The following CNIH3 variants were observed in gnomAD, a reference collection of about 807,000 sequenced individuals.
CNIH3 encodes the protein cornichon family AMPA receptor auxiliary protein 3.
Under a neutral mutation model 24.1 loss-of-function variants are expected in CNIH3, and 14 were observed. The ratio of observed to expected loss-of-function variants is 0.58; its 90% CI spans 0.38 to 0.91. The LOEUF is 0.91. Among genes scored for constraint, CNIH3 ranks in the 40% least tolerant of loss-of-function variants. The probability of loss-of-function intolerance (pLI) is 0.00; values close to 1 mark genes in which losing one functional copy is unlikely to be tolerated. For missense variants in CNIH3, 178 were observed against 196.8 expected, an observed-to-expected ratio of 0.90 and a Z score of 0.57; for synonymous variants, 68 against 73.8, an observed-to-expected ratio of 0.92 and a Z score of 0.40.
Position 224,617,045 on chromosome 1 carries a change from C to T in CNIH3, c.-130C>T. 1.4e-6 allele frequency: 2 copies of T among 1,435,830 alleles called. No individual in the cohort carries two copies. Among genetic ancestry groups the T allele is most frequent in the Non-Finnish European group, 9.1e-7 (1 of 1,097,446 alleles). 88.9% of individuals were successfully genotyped at this position (1,435,830 alleles called of 1,614,324 possible). ...CCCTCGAGTCGCTTCGCTAGCTGTG[C>T]GCCCTCCTGGGCACTAGCCTGGAGA... is the stretch of plus-strand genomic sequence containing the variant. On this transcript the variant is annotated 5_prime_UTR_variant, in exon 1 of 6. Coordinates refer to ENST00000272133, the MANE Select transcript of CNIH3 (RefSeq NM_152495.2).
chr1:224,629,343 C>A (rs964362066), intron 1 of CNIH3, among the ~76,000 whole-genome samples: 1 of 152,058 alleles, frequency 6.6e-6, no homozygotes, highest in African/African-American at 2.4e-5. Flanking sequence ...TTGATAACCT[C>A]ATGTCTCCCT....
chr1:224,694,069 C>T (rs1012860093), intron 3 of CNIH3, among the ~76,000 whole-genome samples: 8 of 152,202 alleles, frequency 5.3e-5, no homozygotes, highest in African/African-American at 1.9e-4. Flanking sequence ...GTCTGGAGAA[C>T]TGGATCTGTG....
At chr1:224,502,642 T>C (rs1255326757) in intron 1 of CNIH3, among the ~76,000 whole-genome samples, 1 of 151,902 alleles carries the variant, frequency 6.6e-6, no homozygotes, top group East Asian at 1.9e-4. Flanking sequence ...GGGAATGGAG[T>C]CCAGTAATTA....
chr1:224,738,546 T>G (rs1689709781), intron 5 of CNIH3, among the ~76,000 whole-genome samples: 2 of 152,224 alleles, frequency 1.3e-5, no homozygotes, highest in Admixed American at 6.5e-5. Flanking sequence ...TCCTTTGGTT[T>G]TACTTCTTAG....
intron 1 of CNIH3, among the ~76,000 whole-genome samples, chr1:224,659,256 T>C (rs1213800015): frequency 6.6e-6 from 1 of 152,202 alleles, no homozygotes; most frequent in Non-Finnish European, 1.5e-5. Context: ...GTAGGTGCCT[T>C]TTTCAGACCC....
intron 1 of CNIH3, among the ~76,000 whole-genome samples, chr1:224,438,679 G>T (rs1674769791): frequency 6.6e-6 from 1 of 152,148 alleles, no homozygotes; most frequent in Non-Finnish European, 1.5e-5. Flanking sequence ...AGCTGGACTT[G>T]TTGGGCCTGG....
At chr1:224,468,716 G>C (rs1319992536) in intron 1 of CNIH3, among the ~76,000 whole-genome samples, 2 of 152,012 alleles carry the variant, frequency 1.3e-5, no homozygotes, top group Non-Finnish European at 2.9e-5. Context: ...GTCTGTGGTA[G>C]GAGAAGGTGG....
In CNIH3 at chr1:224,560,970, C is replaced by G. The variant is rs531615325; in HGVS notation, n.451-5229C>G. Among the ~76,000 whole-genome samples the G allele has an allele frequency of 2.4e-3, 366 of 152,070 alleles. 2 individuals carry two copies. In the Middle Eastern group the frequency reaches 0.027, roughly 11 times the overall value. Reference sequence around the variant, plus strand: ...ATCTCGTGATTTCAATTTGCATTTCCCTCGTGATTAATGATATTCAGCACC... The same window carrying G: ...ATCTCGTGATTTCAATTTGCATTTCGCTCGTGATTAATGATATTCAGCACC... On this transcript the variant is annotated intron_variant and non_coding_transcript_variant, in intron 3 of 5. Transcript: ENST00000471578.
intron 1 of CNIH3, 126 bp downstream of exon 1, chr1:224,617,381 G>C (rs2125061214): frequency 9.5e-7 from 1 of 1,053,392 alleles, no homozygotes; most frequent in Non-Finnish European, 1.4e-6. Flanking sequence ...CCGCTCCACT[G>C]TCCCGGGGCA....
At chr1:224,552,161 C>A (rs1679949193) in intron 3 of CNIH3, among the ~76,000 whole-genome samples, 2 of 151,150 alleles carry the variant, frequency 1.3e-5, no homozygotes, top group Non-Finnish European at 3.0e-5. Flanking sequence ...AGGGTGTATA[C>A]CCCCTGTGAT....
At chr1:224,598,744 T>G (rs983144369) in intron 3 of CNIH3, among the ~76,000 whole-genome samples, 7 of 152,232 alleles carry the variant, frequency 4.6e-5, no homozygotes, top group African/African-American at 1.4e-4. Context: ...CTGTTAGCAT[T>G]TTTTAGCAAT....
chr1:224,456,837 C>G (rs987395630), intron 1 of CNIH3, among the ~76,000 whole-genome samples: 1 of 152,240 alleles, frequency 6.6e-6, no homozygotes, highest in Non-Finnish European at 1.5e-5. Context: ...AACTGCTTCA[C>G]TCTCCTGGTC....
chr1:224,614,936 CAAATAAATAAATAAATAAATAAAT>C (rs56329135), upstream of CNIH3, among the ~76,000 whole-genome samples: 17 of 146,700 alleles, frequency 1.2e-4, no homozygotes, highest in African/African-American at 3.0e-4. Context: ...GAGACTCCGT[CAAATAAATAAATAAATAAATAAAT>C]AAATAAATAA....
intron 4 of CNIH3, among the ~76,000 whole-genome samples, chr1:224,571,780 C>T (rs1272599585): frequency 6.6e-6 from 1 of 152,080 alleles, no homozygotes; most frequent in African/African-American, 2.4e-5. Context: ...GGGGCACTGA[C>T]TGGGACCTGC....
intron 3 of CNIH3, among the ~76,000 whole-genome samples, chr1:224,687,782 T>G (rs1045585756): frequency 7.2e-5 from 11 of 152,156 alleles, no homozygotes; most frequent in African/African-American, 2.7e-4. Flanking sequence ...TTAATAATTG[T>G]ATGGCAGCCA....
intron 1 of CNIH3, among the ~76,000 whole-genome samples, chr1:224,622,217 A>G (rs932142671): frequency 1.3e-5 from 2 of 152,180 alleles, no homozygotes; most frequent in Non-Finnish European, 2.9e-5. Flanking sequence ...CTTTCTGGGT[A>G]GTTTGGACAA....
chr1:224,642,548 G>A lies in CNIH3; in HGVS notation c.81+25293G>A, dbSNP rs948771186. On this transcript the variant is annotated intron_variant, in intron 1 of 5. Transcript: ENST00000272133. The stretch of plus-strand genomic sequence containing the variant: ...CCTGGCTGTAGCTATGATGGTGTCT[G>A]TTTTTCAGATTAGGAAGCGGAGGCA... Among the ~76,000 whole-genome samples the A allele has an allele frequency of 7.9e-5, 12 of 152,216 alleles. No individual in the cohort carries two copies. The East Asian group carries it at 2.1e-3, about 27-fold the overall frequency.
chr1:224,587,138 C>T lies in CNIH3; in HGVS notation n.621-1223C>T, dbSNP rs1230805982. 3.3e-5 allele frequency: 5 copies of T among 152,356 alleles called. No homozygotes were observed. The East Asian group carries it at 9.6e-4, about 29-fold the overall frequency. 9.4% of individuals were successfully genotyped at this position (152,356 alleles called of 1,614,324 possible). A position where few individuals can be genotyped will look rare whatever the true frequency, so the allele number is the denominator to read the frequency against. On this transcript the variant is annotated intron_variant and non_coding_transcript_variant, in intron 5 of 5. Coordinates refer to the CNIH3 transcript ENST00000471578. ...GCCTGGTTGCCTATACCCACGTGTT[C>T]TGCCTGTGGGATTCACAATTTACAC...
rs533985156 is a variant in CNIH3 at position 224,602,891 on chromosome 1, G to A, written n.402+36627G>A. Among the ~76,000 whole-genome samples, 25 of 152,292 alleles carry A rather than the reference G, an allele frequency of 1.6e-4. 1 individual carries two copies. The highest frequency in any genetic ancestry group is 1.3e-4 in the Non-Finnish European group (9 of 68,028). Reference sequence around the variant, plus strand: ...CTTCCTTGGGTACCATCTTGGGCCCGTAAAGGTCTACAAACCGAAAAGTAT... The same window carrying A: ...CTTCCTTGGGTACCATCTTGGGCCCATAAAGGTCTACAAACCGAAAAGTAT... On this transcript the variant is annotated intron_variant and non_coding_transcript_variant, in intron 3 of 7. Transcript: ENST00000478120.
Sources: gnomAD v4.1 joint callset for allele counts (sites outside exome capture counted in the v4.1 genomes callset) on GRCh38, gnomAD v4.1.1 for gene constraint, MANE v1.5 for transcripts, NCBI Gene and HGNC (gene_info 2026-07-23, HGNC 2026-07-21) for gene names.